The following SALL1 variants were observed in gnomAD, a reference collection of about 807,000 sequenced individuals.
SALL1 encodes spalt like transcription factor 1, also known as sal-like protein 1.
SALL1 carries 10 observed loss-of-function variants against 73.1 expected under a neutral mutation model. The ratio of observed to expected loss-of-function variants is 0.14; its 90% confidence interval spans 0.08 to 0.23. The LOEUF is 0.23. Among genes scored for constraint, SALL1 ranks in the 10% least tolerant of loss-of-function variants. The pLI, the probability that SALL1 is intolerant of heterozygous loss-of-function variation, is 1.00. For synonymous variants in SALL1, 688 were observed against 689.8 expected (o/e 1.00, Z 0.04); for missense variants, 1,520 against 1,697.3 (o/e 0.90, Z 1.84).
intron 1 of SALL1, among the ~76,000 whole-genome samples, chr16:51,145,977 GTCTTTTTTTTTTTTTTCTTTT>G (rs1370733193): frequency 2.3e-5 from 3 of 128,560 alleles, no homozygotes; most frequent in African/African-American, 9.4e-5. Flanking sequence ...TGATTGATTG[GTCTTTTTTTTTTTTTTCTTTT>G]TCTTTTTTTT....
At chr16:51,150,365 G>A in intron 1 of SALL1, 1 of 977,884 alleles carries the variant, frequency 1.0e-6, no homozygotes, top group Non-Finnish European at 1.2e-6. Flanking sequence ...ACGATCCGCA[G>A]AGGGCGCATA....
upstream of SALL1, chr16:51,151,279 ACT>A: frequency 1.4e-6 from 2 of 1,439,210 alleles, no homozygotes; most frequent in Non-Finnish European, 1.9e-6. Context: ...ATAAAAAATT[ACT>A]AAAAAAAAAT....
At position 51,137,019 on chromosome 16, in the gene SALL1, A is replaced by AGGGGC. The variant is rs374006676; in HGVS notation, c.*88_*92dup. 24,512 of 932,742 alleles carry AGGGGC rather than the reference A, an allele frequency of 0.026. 462 individuals carry two copies. Among genetic ancestry groups the AGGGGC allele is most frequent in the Non-Finnish European group, 0.032 (20,616 of 641,474 alleles). 57.8% of individuals were successfully genotyped at this position (932,742 alleles called of 1,614,324 possible). On this transcript the variant is annotated 3_prime_UTR_variant, in exon 3 of 3. Coordinates refer to ENST00000251020, the MANE Select transcript of SALL1 (RefSeq NM_002968.3). ...TTCATAGATCTGGGGAACAGAAGGA[A>AGGGGC]GGGGCGGGGCGGGGTGGGGGGCAAG...
upstream of SALL1, among the ~76,000 whole-genome samples, chr16:51,151,832 C>A (rs1962619878): frequency 6.6e-6 from 1 of 150,600 alleles, no homozygotes; most frequent in African/African-American, 2.4e-5. Context: ...TGGGGCCGGG[C>A]GGCGAGGGCT....
chr16:51,141,756 T>G lies in SALL1; in HGVS notation c.466A>C (p.Ser156Arg). 6.2e-7 allele frequency: 1 copy of G among 1,610,402 alleles called. No individual in the cohort carries two copies. The highest frequency in any genetic ancestry group is 8.5e-7 in the Non-Finnish European group (1 of 1,177,074). The change falls in exon 2 of 3, where the codon AGC becomes CGC. Residue 156 changes from serine to arginine, a missense_variant. Transcript: ENST00000251020. This position sits in a 1 kb window ranked among gnomAD's most constrained non-coding sequence, Gnocchi z 5.4. ...CTGCCGCCGCCGCCGCTGCTGCTGCTGCTGCTGCTGCTGCTGCTTGGGGCG... is the reference window on the plus strand; with the variant it reads ...CTGCCGCCGCCGCCGCTGCTGCTGCGGCTGCTGCTGCTGCTGCTTGGGGCG... ...STAPSSSSSS[S>R]SSSGGGGSSS...
At position 51,141,955 on chromosome 16, in the gene SALL1, G is replaced by C; in HGVS notation, c.267C>G (p.Pro89=). ...ASPPETFSPS[P]PPDNPDEQMN... The stretch of plus-strand genomic sequence containing the variant: ...TTTGTTCATCAGGATTATCAGGAGG[G>C]GGGCTGGGGGAGAAGGTTTCGGGTG... The change falls in exon 2 of 3, where the codon CCC becomes CCG. Residue 89 remains proline (P), a synonymous_variant. Coordinates refer to ENST00000251020, the MANE Select transcript of SALL1 (RefSeq NM_002968.3). The surrounding 1 kb of genome is among the most constrained non-coding windows in gnomAD (Gnocchi z 5.4). 1 of 1,614,008 alleles carries C rather than the reference G, an allele frequency of 6.2e-7. No individual in the cohort carries two copies. The highest frequency in any genetic ancestry group is 8.5e-7 in the Non-Finnish European group (1 of 1,180,018).
In SALL1 at chr16:51,139,928, T is replaced by A; in HGVS notation, c.2294A>T (p.Gln765Leu). 6.2e-7 allele frequency: 1 copy of A among 1,614,198 alleles called. No individual in the cohort carries two copies. Among genetic ancestry groups the A allele is most frequent in the Non-Finnish European group, 8.5e-7 (1 of 1,180,022 alleles). The change falls in exon 2 of 3, where the codon CAG becomes CTG. Residue 765 changes from glutamine (Q) to leucine (L), a missense_variant. Physicochemically the swap from Gln to Leu is moderately radical, Grantham distance 113. This residue lies in a region of SALL1 where 77 missense variants were observed against 117.2 expected (regional missense o/e 0.66). Transcript: ENST00000251020. ...CTTCTGGCAGATGGGGCAGGAATGC[T>A]GGACTCTGAGCGGGGGCATAGCACG... ...VHRAMPPLRV[Q>L]HSCPICQKKF...
chr16:51,144,199 T>C (rs1479305019), intron 1 of SALL1, among the ~76,000 whole-genome samples: 3 of 152,214 alleles, frequency 2.0e-5, no homozygotes, highest in Non-Finnish European at 1.5e-5. Flanking sequence ...AACTAGGAAA[T>C]GCAATTCCTA....
rs767216757 is a variant in SALL1 at position 51,140,491 on chromosome 16, G to A, written c.1731C>T (p.Pro577=). The part of the protein sequence containing the change: ...IPFIKTEEPA[P]IPISHSATSP... ...TGGTGGCAGAATGGCTGATGGGGAT[G>A]GGGGCTGGCTCTTCCGTCTTGATGA... The change falls in exon 2 of 3, where the codon CCC becomes CCT. Residue 577 remains proline, a synonymous_variant. Transcript: ENST00000251020. The surrounding 1 kb of genome is among the most constrained non-coding windows in gnomAD (Gnocchi z 5.7). 1 of 1,613,912 alleles carries A rather than the reference G, an allele frequency of 6.2e-7. No individual in the cohort carries two copies. The highest frequency in any genetic ancestry group is 2.2e-5 in the East Asian group (1 of 44,862).
Position 51,139,632 on chromosome 16 carries a change from C to A in SALL1, c.2590G>T (p.Ala864Ser), listed in dbSNP as rs199626036. Residue 864 changes from alanine to serine, a missense_variant, in exon 2 of 3, where the codon GCT becomes TCT. By Grantham distance (99) the Ala-to-Ser change is moderately conservative (BLOSUM62 1). Coordinates refer to ENST00000251020, the MANE Select transcript of SALL1 (RefSeq NM_002968.3). ...ATCTTCATCTGATTTTCCAAAGCAG[C>A]GATGCTCGACATCTCGAGGGGCAAA... ...SPLPLEMSSI[A>S]ALENQMKMIN... 15 of 1,613,598 alleles carry A rather than the reference C, an allele frequency of 9.3e-6. No individual in the cohort carries two copies. Among genetic ancestry groups the A allele is most frequent in the Non-Finnish European group, 1.2e-5 (14 of 1,179,536 alleles).
intron 2 of SALL1, 148 bp downstream of exon 2, chr16:51,138,540 C>A: frequency 5.7e-6 from 6 of 1,061,318 alleles, no homozygotes; most frequent in Non-Finnish European, 7.9e-6. Context: ...CCCCATTTCT[C>A]CCCCGTCAAC....
At chr16:51,151,688 C>A (rs935594679), upstream of SALL1, among the ~76,000 whole-genome samples, 4 of 151,292 alleles carry the variant, frequency 2.6e-5, no homozygotes, top group Non-Finnish European at 5.9e-5. Context: ...GGGCCCGGCG[C>A]CCCGGCAGGC....
rs1263466218 is a variant in SALL1 at position 51,136,418 on chromosome 16, G to C, written c.*694C>G. ...AACGCTTGTTTTCTTTTTCTCTAAA[G>C]AATTCTGCGTGCTTATTACTGTACA... On this transcript the variant is annotated 3_prime_UTR_variant, in exon 3 of 3. Coordinates refer to ENST00000251020, the MANE Select transcript of SALL1 (RefSeq NM_002968.3). 1 of 152,550 alleles carries C rather than the reference G, an allele frequency of 6.6e-6. No homozygotes were observed. The highest frequency in any genetic ancestry group is 6.5e-5 in the Admixed American group (1 of 15,278). 9.4% of individuals were successfully genotyped at this position (152,550 alleles called of 1,614,324 possible).
At chr16:51,147,112 C>T (rs1962528618) in intron 1 of SALL1, among the ~76,000 whole-genome samples, 1 of 152,168 alleles carries the variant, frequency 6.6e-6, no homozygotes, top group African/African-American at 2.4e-5. Context: ...AGACAACTTG[C>T]TACCTCCAAA....
chr16:51,140,064 C>A lies in SALL1; in HGVS notation c.2158G>T (p.Ala720Ser), dbSNP rs761445962. ...TGTGTCCTGTAGTGCATTTTCAAGG[C>A]GCTCTGGCAGCTGAGAACCCGGTGG... The part of the protein sequence containing the change: ...ICHRVLSCQS[A>S]LKMHYRTHTG... Residue 720 changes from alanine to serine, a missense_variant, in exon 2 of 3, where the codon GCC (alanine) becomes TCC (serine). By Grantham distance (99) the Ala-to-Ser change is moderately conservative. This residue lies in a region of SALL1 where 77 missense variants were observed against 117.2 expected (regional missense o/e 0.66). Transcript: ENST00000251020. The surrounding 1 kb of genome is among the most constrained non-coding windows in gnomAD (Gnocchi z 5.7). The A allele has an allele frequency of 1.2e-6, 2 of 1,614,088 alleles. No individual in the cohort carries two copies. The highest frequency in any genetic ancestry group is 1.3e-5 in the African/African-American group (1 of 74,932).
At chr16:51,151,049 G>T in intron 1 of SALL1, 117 bp downstream of exon 1, 1 of 564,516 alleles carries the variant, frequency 1.8e-6, no homozygotes, top group East Asian at 3.4e-5. Context: ...AGAAGCAATC[G>T]GGGCCGCGGC....
upstream of SALL1, among the ~76,000 whole-genome samples, chr16:51,151,862 G>T (rs1962621076): frequency 6.6e-6 from 1 of 151,562 alleles, no homozygotes; most frequent in Non-Finnish European, 1.5e-5. Context: ...GGCTGCCGGC[G>T]CGCTGCGAAC....
Position 51,141,331 on chromosome 16 carries a change from A to C in SALL1, c.891T>G (p.Ala297=), listed in dbSNP as rs1476073837. The part of the protein sequence containing the change: ...SHLSQQLAAA[A]GLAQSLASQS... ...GGCTGGCGAGGCTCTGTGCCAATCCAGCTGCTGCTGCCAGCTGCTGAGATA... is the reference window on the plus strand; with the variant it reads ...GGCTGGCGAGGCTCTGTGCCAATCCCGCTGCTGCTGCCAGCTGCTGAGATA... Residue 297 remains alanine (A), a synonymous_variant, in exon 2 of 3, where the codon GCT becomes GCG. Coordinates refer to ENST00000251020, the MANE Select transcript of SALL1 (RefSeq NM_002968.3). This position sits in a 1 kb window ranked among gnomAD's most constrained non-coding sequence, Gnocchi z 5.4. 8 of 1,613,642 alleles carry C rather than the reference A, an allele frequency of 5.0e-6. 1 individual carries two copies. Among genetic ancestry groups the C allele is most frequent in the South Asian group, 4.4e-5 (4 of 91,064 alleles).
Position 51,139,573 on chromosome 16 carries a change from G to T in SALL1, c.2649C>A (p.Ala883=). The change falls in exon 2 of 3, where the codon GCC becomes GCA. Residue 883 remains alanine (A), a synonymous_variant. Transcript: ENST00000251020. ...ACCCATTCTCCACTGACTTCAGGCT[G>T]GCCTGTAGCTGCTCTGCCAGGCCAG... The part of the protein sequence containing the change: ...INAGLAEQLQ[A]SLKSVENGSI... The T allele has an allele frequency of 6.2e-7, 1 of 1,614,124 alleles. No individual in the cohort carries two copies. The highest frequency in any genetic ancestry group is 8.5e-7 in the Non-Finnish European group (1 of 1,179,968).
Sources: gnomAD v4.1 joint callset for allele counts (sites outside exome capture counted in the v4.1 genomes callset) on GRCh38, gnomAD v4.1.1 for gene constraint, gnomAD v4.1.1 regional missense constraint, Gnocchi (gnomAD v3.1) non-coding constraint, MANE v1.5 for transcripts, NCBI Gene and HGNC (gene_info 2026-07-23, HGNC 2026-07-21) for gene names.